COL15A1: variants seen among roughly 807,000 people sequenced by gnomAD.
COL15A1 encodes collagen type XV alpha 1 chain.
COL15A1 carries 111 observed loss-of-function variants against 165.9 expected under a neutral mutation model. The observed-to-expected ratio is 0.67, with a 90% CI of 0.57 to 0.78. COL15A1 has a LOEUF of 0.78. Among genes scored for constraint, COL15A1 ranks in the 30% least tolerant of loss-of-function variants. The pLI, the probability that COL15A1 is intolerant of heterozygous loss-of-function variation, is 0.00. For synonymous variants in COL15A1, 659 were observed against 674.8 expected, an observed-to-expected ratio of 0.98 and a Z score of 0.36; for missense variants, 1,745 against 1,789.7, an observed-to-expected ratio of 0.98 and a Z score of 0.45.
At chr9:99,020,541 CGCAG>C in intron 12 of COL15A1, 99 bp downstream of exon 12, 1 of 842,450 alleles carries the variant, frequency 1.2e-6, no homozygotes, top group East Asian at 2.5e-5. Context: ...TCAAGGGGAT[CGCAG>C]AAGCAGCAAG....
rs528803979 is a variant in COL15A1, at chr9:99,024,433, G to A, written c.1855-441G>A. Among the ~76,000 whole-genome samples, 52 of 151,742 alleles carry A rather than the reference G, an allele frequency of 3.4e-4. 1 individual carries two copies. The East Asian group carries it at 6.2e-3, about 18-fold the overall frequency. ...CCGAGTAGCTGGGACTACAGGTGCC[G>A]GCCACCACGCCCGGCTAATTTTTTG... On this transcript the variant is annotated intron_variant, in intron 14 of 41. Coordinates refer to ENST00000375001, the MANE Select transcript of COL15A1 (RefSeq NM_001855.5).
chr9:99,055,057 T>G (rs199891544), intron 32 of COL15A1, 45 bp from the exon 33 acceptor site: 2 of 1,527,918 alleles, frequency 1.3e-6, no homozygotes, highest in Admixed American at 3.3e-5. Context: ...ATTTTAAAAT[T>G]TCTGAAATTA....
chr9:99,044,732 T>C lies in COL15A1; in HGVS notation c.2644-3T>C. On this transcript the variant is annotated splice_region_variant and splice_polypyrimidine_tract_variant and intron_variant, in intron 25 of 41. Transcript: ENST00000375001. The stretch of plus-strand genomic sequence containing the variant: ...GTGACAAGTATATATCTTCCTGTTT[T>C]AGGGTGAACCTGGAATGCATGGAGC... The C allele has an allele frequency of 6.2e-7, 1 of 1,613,812 alleles. No individual in the cohort carries two copies. The highest frequency in any genetic ancestry group is 8.5e-7 in the Non-Finnish European group (1 of 1,179,668).
chr9:98,985,698 A>G lies in COL15A1; in HGVS notation c.234A>G (p.Pro78=), dbSNP rs1482550456. 1.9e-6 allele frequency: 3 copies of G among 1,614,224 alleles called. No homozygotes were observed. Among genetic ancestry groups the G allele is most frequent in the South Asian group, 1.1e-5 (1 of 91,082 alleles). ...SFGPGANVGR[P]ARTLIPSTFF... is the part of the protein sequence containing the mutation. ...GGCCTGGTGCCAATGTTGGCCGCCC[A>G]GCCAGGACTCTCATCCCATCCACCT... is the stretch of plus-strand genomic sequence containing the variant. Residue 78 remains proline, a synonymous_variant, in exon 3 of 42, where the codon CCA becomes CCG. Coordinates refer to ENST00000375001, the MANE Select transcript of COL15A1 (RefSeq NM_001855.5).
At chr9:99,003,793 G>C (rs191298027) in intron 8 of COL15A1, among the ~76,000 whole-genome samples, 2 of 152,366 alleles carry the variant, frequency 1.3e-5, no homozygotes, top group East Asian at 3.9e-4. Flanking sequence ...CACTAGGCCT[G>C]GTTTCAGGGA....
Position 99,003,485 on chromosome 9 carries a change from G to A in COL15A1, c.1098G>A (p.Glu366=), listed in dbSNP as rs1424106222. 1 of 1,544,098 alleles carries A rather than the reference G, an allele frequency of 6.5e-7. No homozygotes were observed. The highest frequency in any genetic ancestry group is 2.5e-5 in the East Asian group (1 of 40,812). The part of the protein sequence containing the change: ...NLAATAAGLA[E]VPISTAGEAE... ...CAGCAACAGCAGCGGGGCTGGCCGA[G>A]GTGCCCATCAGCACTGCTGGAGAAG... Residue 366 remains glutamate (E), a synonymous_variant, in exon 8 of 42, where the codon GAG becomes GAA. Transcript: ENST00000375001.
chr9:99,044,606 C>A lies in COL15A1; in HGVS notation c.2613C>A (p.Asp871Glu). ...AGCCGGGTGCCATCCTGACAGAGGA[C>A]ATTCCTCTGGAAAGGCTGATGGGGA... ...KGEPGAILTEDIPLERLMGKK... is the reference protein window; with the variant it reads ...KGEPGAILTEEIPLERLMGKK... The change falls in exon 25 of 42, where the codon GAC (aspartate) becomes GAA (glutamate). Residue 871 changes from aspartate to glutamate, a missense_variant. Transcript: ENST00000375001. 1 of 1,614,106 alleles carries A rather than the reference C, an allele frequency of 6.2e-7. No homozygotes were observed. Among genetic ancestry groups the A allele is most frequent in the Admixed American group, 1.7e-5 (1 of 60,024 alleles).
chr9:99,032,663 T>C (rs1014006281), intron 16 of COL15A1, among the ~76,000 whole-genome samples: 1 of 152,204 alleles, frequency 6.6e-6, no homozygotes, highest in Non-Finnish European at 1.5e-5. Flanking sequence ...ATTAAACCGA[T>C]GTTGGAACTT....
intron 21 of COL15A1, among the ~76,000 whole-genome samples, chr9:99,037,632 A>G (rs754242655): frequency 2.6e-5 from 4 of 152,248 alleles, no homozygotes; most frequent in Non-Finnish European, 4.4e-5. Flanking sequence ...AGGAGCCTCC[A>G]GTGAGGTCAG....
chr9:99,067,005 C>T lies in COL15A1; in HGVS notation c.3775C>T (p.Gln1259Ter). ...TYRAFLSSHL[Q>*]DLSTIVRKAE... is the part of the protein sequence containing the mutation. ...CCGAGCATTCTTATCTTCCCATTTGCAAGATCTGTCCACCATTGTGAGGAA... is the reference window on the plus strand; with the variant it reads ...CCGAGCATTCTTATCTTCCCATTTGTAAGATCTGTCCACCATTGTGAGGAA... The change falls in exon 40 of 42, where the codon CAA (glutamine) becomes TAA (stop). Residue 1259 changes from glutamine (Q) to a stop codon, truncating the protein, a stop_gained. Transcript: ENST00000375001. LOFTEE classifies it high-confidence loss of function. 6.2e-7 allele frequency: 1 copy of T among 1,614,124 alleles called. No homozygotes were observed.
intron 2 of COL15A1, among the ~76,000 whole-genome samples, chr9:98,966,498 C>T (rs1034268831): frequency 2.0e-5 from 3 of 152,218 alleles, no homozygotes; most frequent in Admixed American, 6.5e-5. Flanking sequence ...AGCAGCCTCC[C>T]TGAGGCCTCT....
At chr9:99,042,636 A>G (rs1564079086) in intron 24 of COL15A1, among the ~76,000 whole-genome samples, 1 of 152,220 alleles carries the variant, frequency 6.6e-6, no homozygotes, top group Non-Finnish European at 1.5e-5. Flanking sequence ...TGTTGGACGA[A>G]AGCATGTATA....
chr9:98,950,710 G>T (rs1221999437), intron 2 of COL15A1, among the ~76,000 whole-genome samples: 3 of 151,274 alleles, frequency 2.0e-5, no homozygotes, highest in Non-Finnish European at 4.4e-5. Flanking sequence ...CACCTCCCAG[G>T]TTCAAGCAAT....
chr9:99,069,981 G>GGT lies in COL15A1; in HGVS notation c.*95_*96insGT, dbSNP rs59161086. 0.24 allele frequency: 189,310 copies of GGT among 786,456 alleles called. 12,944 individuals are homozygous for GGT. Among genetic ancestry groups the GGT allele is most frequent in the East Asian group, 0.46 (15,356 of 33,124 alleles). The allele number at this position is 786,456 out of a possible 1,614,324, so 48.7% of individuals were successfully genotyped here. ...ATGTTTAATTGTTGTAAATATTACA[G>GGT]TTTTTTTTTTTTACTACATATTCTT... On this transcript the variant is annotated 3_prime_UTR_variant, in exon 42 of 42. Coordinates refer to ENST00000375001, the MANE Select transcript of COL15A1 (RefSeq NM_001855.5).
chr9:99,024,206 A>G (rs1372817065), intron 14 of COL15A1, among the ~76,000 whole-genome samples: 2 of 152,078 alleles, frequency 1.3e-5, no homozygotes, highest in East Asian at 1.9e-4. Context: ...CAACCCAGCA[A>G]TGGGCTAAAA....
chr9:99,029,619 G>A (rs967069655), intron 16 of COL15A1, among the ~76,000 whole-genome samples: 1 of 152,012 alleles, frequency 6.6e-6, no homozygotes, highest in African/African-American at 2.4e-5. Flanking sequence ...CTGGATTATA[G>A]GCCTCCATAA....
intron 40 of COL15A1, 141 bp from the exon 41 acceptor site, chr9:99,068,414 A>C (rs1825930394): frequency 2.4e-6 from 1 of 410,882 alleles, no homozygotes; most frequent in African/African-American, 2.1e-5. Context: ...GCAGTGAGCC[A>C]AGATCCCACC....
rs781031691 is a variant in COL15A1, at chr9:98,985,925, T to G, written c.461T>G (p.Val154Gly). Residue 154 changes from valine to glycine, a missense_variant, in exon 3 of 42, where the codon GTG (valine) becomes GGG (glycine). Val to Gly is a moderately radical substitution (Grantham distance 109). Coordinates refer to ENST00000375001, the MANE Select transcript of COL15A1 (RefSeq NM_001855.5). The part of the protein sequence containing the change: ...HVSQEAAAFS[V>G]PVMTHRWNRF... ...TCCCAAGAGGCTGCTGCCTTCTCGG[T>G]GCCTGTGATGACCCACAGGTGGAAC... 7.0e-5 allele frequency: 113 copies of G among 1,613,846 alleles called. No homozygotes were observed. In the Middle Eastern group the frequency reaches 8.2e-4, roughly 12 times the overall value.
intron 31 of COL15A1, among the ~76,000 whole-genome samples, chr9:99,052,787 C>T (rs1839613434): frequency 6.6e-6 from 1 of 152,188 alleles, no homozygotes; most frequent in South Asian, 2.1e-4. Flanking sequence ...GTTCCTGCCT[C>T]TCAGGCTCTT....
Sources: gnomAD v4.1 joint callset for allele counts (sites outside exome capture counted in the v4.1 genomes callset) on GRCh38, gnomAD v4.1.1 for gene constraint, MANE v1.5 for transcripts, NCBI Gene and HGNC (gene_info 2026-07-23, HGNC 2026-07-21) for gene names.